Variants in AKAP13 observed in about 807,000 individuals in gnomAD.
AKAP13 encodes A-kinase anchoring protein 13.
AKAP13 carries 80 observed loss-of-function variants against 264.5 expected under a neutral mutation model. The ratio of observed to expected loss-of-function variants is 0.30; its 90% CI spans 0.25 to 0.36. The LOEUF (loss-of-function observed/expected upper bound fraction) is 0.36. Among genes scored for constraint, AKAP13 ranks in the 10% least tolerant of loss-of-function variants. The pLI, the probability that AKAP13 is intolerant of heterozygous loss-of-function variation, is 1.00. For missense variants in AKAP13, 3,712 were observed against 3,435.2 expected (o/e 1.08, Z -2.01); for synonymous variants, 1,380 against 1,250.2 (o/e 1.10, Z -2.19).
chr15:85,481,702 T>G (rs2075357374), intron 1 of AKAP13, among the ~76,000 whole-genome samples: 2 of 152,232 alleles, frequency 1.3e-5, no homozygotes, highest in Admixed American at 6.5e-5. Context: ...TAAAACCACA[T>G]CATTTAAGAC....
Position 85,735,443 on chromosome 15 carries a change from T to C in AKAP13, c.7442-117T>C, listed in dbSNP as rs866656691. The C allele has an allele frequency of 2.0e-4, 217 of 1,070,864 alleles. 1 individual carries two copies. The highest frequency in any genetic ancestry group is 1.3e-4 in the Non-Finnish European group (93 of 741,202). The allele number at this position is 1,070,864 out of a possible 1,614,324, so 66.3% of individuals were successfully genotyped here. A position where few individuals can be genotyped will look rare whatever the true frequency, so the allele number is the denominator to read the frequency against. On this transcript the variant is annotated intron_variant, in intron 31 of 36. Transcript: ENST00000394518. ...CTGCCACCAAGCAGCTCCCCCTTTT[T>C]GGGGGCATCAGTAGGTTTCAGACAT...
intron 16 of AKAP13, chr15:85,690,105 G>C (rs2151630559): frequency 6.6e-6 from 1 of 152,398 alleles, no homozygotes; most frequent in South Asian, 2.1e-4. Context: ...GCATGGGGAG[G>C]TAAGAGCCTG....
Position 85,575,121 on chromosome 15 carries a change from T to C in AKAP13, c.663-10T>C, listed in dbSNP as rs1244757536. 3.7e-6 allele frequency: 6 copies of C among 1,613,538 alleles called. No homozygotes were observed. Among genetic ancestry groups the C allele is most frequent in the African/African-American group, 1.3e-5 (1 of 75,020 alleles). On this transcript the variant is annotated splice_polypyrimidine_tract_variant and intron_variant, in intron 5 of 36. Coordinates refer to ENST00000394518, the MANE Select transcript of AKAP13 (RefSeq NM_007200.5). Reference sequence around the variant, plus strand: ...ATGTATATATATTAACCAGAGATGCTTGCATGTAGGGAGAATGCTGGAGAA... The same window carrying C: ...ATGTATATATATTAACCAGAGATGCCTGCATGTAGGGAGAATGCTGGAGAA...
intron 1 of AKAP13, among the ~76,000 whole-genome samples, chr15:85,407,573 C>G (rs2071735812): frequency 1.3e-5 from 2 of 151,348 alleles, no homozygotes; most frequent in Non-Finnish European, 2.9e-5. Flanking sequence ...TAGGAATTTG[C>G]CAGGCCTGGG....
At chr15:85,729,677 C>T (rs563052947) in intron 29 of AKAP13, among the ~76,000 whole-genome samples, 4 of 152,156 alleles carry the variant, frequency 2.6e-5, no homozygotes, top group Admixed American at 2.6e-4. Flanking sequence ...TGGCTCACAC[C>T]TGTAATCCCA....
At position 85,744,864 on chromosome 15, in the gene AKAP13, C is replaced by G; in HGVS notation, c.*187C>G. 1.9e-6 allele frequency: 1 copy of G among 532,540 alleles called. No homozygotes were observed. Among genetic ancestry groups the G allele is most frequent in the Non-Finnish European group, 3.3e-6 (1 of 307,488 alleles). 33.0% of individuals were successfully genotyped at this position (532,540 alleles called of 1,614,324 possible). On this transcript the variant is annotated 3_prime_UTR_variant, in exon 37 of 37. Transcript: ENST00000394518. The stretch of plus-strand genomic sequence containing the variant: ...TTGAGTGTCGGGTGGGGAAGGAGGC[C>G]CAGACTCTGCTTCGGCCATGATTTG...
intron 5 of AKAP13, among the ~76,000 whole-genome samples, chr15:85,561,051 AT>A (rs11311086): frequency 0.57 from 62,362 of 109,320 alleles, 17,641 homozygotes; most frequent in East Asian, 0.92. Context: ...GGATGTAAGG[AT>A]TTTTTTTTTT....
intron 8 of AKAP13, among the ~76,000 whole-genome samples, chr15:85,623,413 A>G (rs567208685): frequency 1.2e-3 from 188 of 152,336 alleles, no homozygotes; most frequent in African/African-American, 3.7e-3. Flanking sequence ...AACAACTCCA[A>G]TCCCTCCCAT....
intron 9 of AKAP13, among the ~76,000 whole-genome samples, chr15:85,642,989 C>G (rs143178414): frequency 6.6e-6 from 1 of 151,020 alleles, no homozygotes; most frequent in Non-Finnish European, 1.5e-5. Flanking sequence ...CCACCAACTC[C>G]TCCTAGGTTA....
chr15:85,730,732 C>T (rs769136646), intron 30 of AKAP13, 25 bp downstream of exon 30: 3 of 1,588,030 alleles, frequency 1.9e-6, no homozygotes, highest in African/African-American at 2.7e-5. Flanking sequence ...GCATTGCCCC[C>T]TCTTCATCTA....
chr15:85,541,496 A>G (rs1319937564), intron 4 of AKAP13, among the ~76,000 whole-genome samples: 2 of 152,248 alleles, frequency 1.3e-5, no homozygotes, highest in Non-Finnish European at 2.9e-5. Flanking sequence ...TTTAAACCAC[A>G]TTAGTTTAGC....
intron 8 of AKAP13, among the ~76,000 whole-genome samples, chr15:85,632,905 C>T (rs4843089): frequency 0.2 from 30,758 of 151,782 alleles, 4,132 homozygotes; most frequent in Middle Eastern, 0.42. Context: ...CTTGCTCTGT[C>T]GCTAGGCTGG....
intron 7 of AKAP13, chr15:85,583,075 A>T (rs891800040): frequency 1.0e-6 from 1 of 985,476 alleles, no homozygotes. Context: ...AAGTCTTTAA[A>T]GGTCAGTTTG....
chr15:85,721,678 A>G (rs2087293566), intron 23 of AKAP13, among the ~76,000 whole-genome samples: 1 of 152,268 alleles, frequency 6.6e-6, no homozygotes, highest in African/African-American at 2.4e-5. Context: ...TTTATGACAA[A>G]TAGAAGTTAG....
chr15:85,698,413 C>T (rs922158790), intron 17 of AKAP13, among the ~76,000 whole-genome samples: 7 of 133,406 alleles, frequency 5.2e-5, no homozygotes, highest in African/African-American at 2.0e-4. Context: ...TGCAGTGAGC[C>T]GAGATTGAGC....
At chr15:85,706,495 G>T (rs1340682310) in intron 17 of AKAP13, among the ~76,000 whole-genome samples, 1 of 152,174 alleles carries the variant, frequency 6.6e-6, no homozygotes, top group Non-Finnish European at 1.5e-5. Context: ...GGAAACGGAG[G>T]CCTGTCAAGA....
intron 1 of AKAP13, among the ~76,000 whole-genome samples, chr15:85,483,632 C>CAA (rs35648447): frequency 0.02 from 1,136 of 57,924 alleles, 43 homozygotes; most frequent in African/African-American, 0.049. Flanking sequence ...GACTCCGTCT[C>CAA]AAAAAAAAAA....
At chr15:85,479,823 G>A (rs1269412692) in intron 1 of AKAP13, among the ~76,000 whole-genome samples, 3 of 152,212 alleles carry the variant, frequency 2.0e-5, no homozygotes, top group Non-Finnish European at 4.4e-5. Flanking sequence ...CTTGTAGCAT[G>A]TGTAGGTGTG....
intron 6 of AKAP13, among the ~76,000 whole-genome samples, chr15:85,575,755 A>G (rs952060649): frequency 6.6e-6 from 1 of 152,062 alleles, no homozygotes; most frequent in African/African-American, 2.4e-5. Context: ...GCACTTTGGA[A>G]GGGCCAACAC....
Sources: gnomAD v4.1 joint callset for allele counts (sites outside exome capture counted in the v4.1 genomes callset) on GRCh38, gnomAD v4.1.1 for gene constraint, MANE v1.5 for transcripts, NCBI Gene and HGNC (gene_info 2026-07-23, HGNC 2026-07-21) for gene names.